The following SMIM20 variants were observed in gnomAD, a reference collection of about 807,000 sequenced individuals.
The protein encoded by SMIM20 is small integral membrane protein 20.
SMIM20 carries 3 observed loss-of-function variants against 8.7 expected under a neutral mutation model. That is an observed-to-expected ratio of 0.34 (90% CI 0.16 to 0.89). The LOEUF (loss-of-function observed/expected upper bound fraction) is 0.89, where lower values mean the gene tolerates loss of function less well. Among genes scored for constraint, SMIM20 ranks in the 40% least tolerant of loss-of-function variants. The pLI is 0.49. For synonymous variants in SMIM20, 44 were observed against 33.6 expected (o/e 1.31, Z -1.07); for missense variants, 85 against 84.8 (o/e 1.00, Z -0.01).
intron 1 of SMIM20, among the ~76,000 whole-genome samples, chr4:25,924,993 T>G (rs946634695): frequency 3.3e-5 from 5 of 152,216 alleles, no homozygotes; most frequent in Admixed American, 6.5e-5. Flanking sequence ...CTTCAGTCTA[T>G]GTATATAAGA....
chr4:25,929,013 C>T, intron 2 of SMIM20, 141 bp from the exon 3 acceptor site: 1 of 964,886 alleles, frequency 1.0e-6, no homozygotes, highest in Non-Finnish European at 1.5e-6. Flanking sequence ...TGCCAAGGTT[C>T]CGGCAGCCTG....
intron 1 of SMIM20, among the ~76,000 whole-genome samples, chr4:25,922,333 C>A (rs1321505379): frequency 6.6e-6 from 1 of 152,112 alleles, no homozygotes; most frequent in African/African-American, 2.4e-5. Context: ...AGCCTTGGAC[C>A]AAAGGCAAGG....
Position 25,914,410 on chromosome 4 carries a change from T to C in SMIM20, c.97T>C (p.Leu33=), listed in dbSNP as rs750751597. Residue 33 remains leucine, a synonymous_variant, in exon 1 of 3, where the codon TTG becomes CTG. Coordinates refer to ENST00000506197, the MANE Select transcript of SMIM20 (RefSeq NM_001145432.3). ...CATCTACTTCCGGCCCCTAATGAGA[T>C]TGGAGGAGTACAGTGAGTGATCTCT... is the stretch of plus-strand genomic sequence containing the variant. The part of the protein sequence containing the change: ...YPIYFRPLMR[L]EEYKKEQAIN... 13 of 1,516,308 alleles carry C rather than the reference T, an allele frequency of 8.6e-6. No homozygotes were observed. In the South Asian group the frequency reaches 1.4e-4, roughly 16 times the overall value. 93.9% of individuals were successfully genotyped at this position (1,516,308 alleles called of 1,614,324 possible). A position where few individuals can be genotyped will look rare whatever the true frequency, so the allele number is the denominator to read the frequency against.
chr4:25,917,487 A>G (rs936234), intron 1 of SMIM20, among the ~76,000 whole-genome samples: 48,160 of 152,154 alleles, frequency 0.32, 8,399 homozygotes, highest in East Asian at 0.63. Flanking sequence ...TGGCTGACCT[A>G]GCAGTAAACT....
intron 1 of SMIM20, among the ~76,000 whole-genome samples, chr4:25,915,758 C>G (rs78904629): frequency 3.0e-3 from 442 of 148,090 alleles, no homozygotes; most frequent in Non-Finnish European, 4.5e-3. Context: ...AAAGTCAGTT[C>G]TGAAAACTAG....
rs1216998318 is a variant in SMIM20 at position 25,929,546 on chromosome 4, CG to C, written c.*358del. Reference sequence around the variant, plus strand: ...TATGAATACAAGCAACCAGTGGGCTCGGGAAGGTCCGGGTCTCTTCTGCCAT... The same window carrying C: ...TATGAATACAAGCAACCAGTGGGCTCGGAAGGTCCGGGTCTCTTCTGCCAT... On this transcript the variant is annotated 3_prime_UTR_variant, in exon 3 of 3. Coordinates refer to ENST00000506197, the MANE Select transcript of SMIM20 (RefSeq NM_001145432.3). 1 of 188,978 alleles carries C rather than the reference CG, an allele frequency of 5.3e-6. No individual in the cohort carries two copies. The highest frequency in any genetic ancestry group is 2.3e-5 in the African/African-American group (1 of 42,984). The allele number at this position is 188,978 out of a possible 1,614,324, so 11.7% of individuals were successfully genotyped here.
Position 25,929,152 on chromosome 4 carries a change from A to G in SMIM20, c.167-2A>G, listed in dbSNP as rs1711584065. ...TGTTTTTGTTCCTGTTTCTTTCCAT[A>G]GGGTTAAAAGTGTGGTCTGATCCAT... is the stretch of plus-strand genomic sequence containing the variant. On this transcript the variant is annotated splice_acceptor_variant, in intron 2 of 2. Transcript: ENST00000506197. LOFTEE classifies it high-confidence loss of function. 6.4e-7 allele frequency: 1 copy of G among 1,551,816 alleles called. No individual in the cohort carries two copies. Among genetic ancestry groups the G allele is most frequent in the African/African-American group, 1.4e-5 (1 of 73,162 alleles).
intron 1 of SMIM20, 148 bp from the exon 2 acceptor site, chr4:25,928,165 A>G (rs1469882805): frequency 2.9e-6 from 2 of 680,232 alleles, no homozygotes; most frequent in Non-Finnish European, 2.3e-6. Context: ...TCCACAACCT[A>G]AAAGCTTTGC....
intron 1 of SMIM20, among the ~76,000 whole-genome samples, chr4:25,922,928 T>C (rs1182620381): frequency 1.3e-5 from 2 of 152,148 alleles, no homozygotes; most frequent in Non-Finnish European, 2.9e-5. Context: ...GCCAAGGAGA[T>C]CTTCCATGGT....
In SMIM20 at chr4:25,914,270, G is replaced by A; in HGVS notation, c.-44G>A. The stretch of plus-strand genomic sequence containing the variant: ...GCCGTCGGTAACCTGGTTTCCGAGA[G>A]TGCCGGGCGGTCGGCGGGTCAGGGC... On this transcript the variant is annotated 5_prime_UTR_variant, in exon 1 of 3. It adds an upstream start codon to the 5' untranslated region. Transcript: ENST00000506197. The A allele has an allele frequency of 6.5e-7, 1 of 1,530,186 alleles. No homozygotes were observed. The highest frequency in any genetic ancestry group is 8.8e-7 in the Non-Finnish European group (1 of 1,133,800). 94.8% of individuals were successfully genotyped at this position (1,530,186 alleles called of 1,614,324 possible). A position where few individuals can be genotyped will look rare whatever the true frequency, so the allele number is the denominator to read the frequency against.
chr4:25,918,376 G>A (rs928300278), intron 1 of SMIM20, among the ~76,000 whole-genome samples: 5 of 152,104 alleles, frequency 3.3e-5, no homozygotes, highest in Non-Finnish European at 5.9e-5. Context: ...ATGTCCTGTG[G>A]CCATGTTATT....
chr4:25,919,372 T>A (rs1229152517), intron 1 of SMIM20, among the ~76,000 whole-genome samples: 1 of 151,990 alleles, frequency 6.6e-6, no homozygotes, highest in Non-Finnish European at 1.5e-5. Context: ...ACAGTCTTGC[T>A]CTGTCACCAG....
At chr4:25,914,557 C>A (rs1056113632) in intron 1 of SMIM20, 135 bp downstream of exon 1, 2 of 836,838 alleles carry the variant, frequency 2.4e-6, no homozygotes, top group Non-Finnish European at 3.4e-6. Flanking sequence ...CTGCCATGTG[C>A]AGCTTTGTGA....
rs1166685390 is a variant in SMIM20 at position 25,914,221 on chromosome 4, T to A, written c.-93T>A. The A allele has an allele frequency of 2.0e-6, 3 of 1,490,164 alleles. No individual in the cohort carries two copies. Among genetic ancestry groups the A allele is most frequent in the Non-Finnish European group, 2.7e-6 (3 of 1,113,720 alleles). The allele number at this position is 1,490,164 out of a possible 1,614,324, so 92.3% of individuals were successfully genotyped here. On this transcript the variant is annotated 5_prime_UTR_variant, in exon 1 of 3. Transcript: ENST00000506197. ...GCCCGGAAGCGAAAGCCTCTCCACC[T>A]CTTCCGAGCGGGGTCACGGCCCGGC...
chr4:25,915,400 G>A (rs1048415747), intron 1 of SMIM20, among the ~76,000 whole-genome samples: 3 of 152,186 alleles, frequency 2.0e-5, no homozygotes, highest in African/African-American at 7.2e-5. Flanking sequence ...GGCCAACCCT[G>A]TCCCTTGGGA....
At chr4:25,920,934 C>T (rs1056547268) in intron 1 of SMIM20, among the ~76,000 whole-genome samples, 1 of 152,164 alleles carries the variant, frequency 6.6e-6, no homozygotes, top group Non-Finnish European at 1.5e-5. Context: ...TAGTAGGCTA[C>T]ACTGTCTAGG....
At chr4:25,916,727 T>C (rs900822922) in intron 1 of SMIM20, among the ~76,000 whole-genome samples, 12 of 151,790 alleles carry the variant, frequency 7.9e-5, no homozygotes, top group Non-Finnish European at 1.6e-4. Context: ...GGCTAATTTT[T>C]GTATTTTTAG....
intron 1 of SMIM20, among the ~76,000 whole-genome samples, chr4:25,921,684 C>T (rs116296839): frequency 1.5e-4 from 23 of 152,256 alleles, no homozygotes; most frequent in African/African-American, 3.6e-4. Flanking sequence ...ATCATCAGCA[C>T]GTGGCTGGGA....
chr4:25,927,283 A>G (rs1451537039), intron 1 of SMIM20, among the ~76,000 whole-genome samples: 1 of 152,224 alleles, frequency 6.6e-6, no homozygotes, highest in African/African-American at 2.4e-5. Context: ...CTTAGTATTG[A>G]TAAAACTATC....
Sources: gnomAD v4.1 joint callset for allele counts (sites outside exome capture counted in the v4.1 genomes callset) on GRCh38, gnomAD v4.1.1 for gene constraint, MANE v1.5 for transcripts, NCBI Gene and HGNC (gene_info 2026-07-23, HGNC 2026-07-21) for gene names.